The following MOXD1 variants were observed in gnomAD, a reference collection of about 807,000 sequenced individuals.
The protein encoded by MOXD1 is DBH-like monooxygenase protein 1.
A neutral mutation model predicts 66.6 loss-of-function variants in MOXD1; 62 were observed. The ratio of observed to expected loss-of-function variants is 0.93; its 90% CI spans 0.76 to 1.15. The LOEUF (loss-of-function observed/expected upper bound fraction) is 1.15. MOXD1 is among the 50% of genes most tolerant of loss of function. The pLI is 0.00. For synonymous variants in MOXD1, 303 were observed against 281.9 expected (o/e 1.07, Z -0.75); for missense variants, 847 against 754.6 (o/e 1.12, Z -1.44).
At chr6:132,397,530 G>A (rs939356450) in intron 1 of MOXD1, among the ~76,000 whole-genome samples, 1 of 152,040 alleles carries the variant, frequency 6.6e-6, no homozygotes, top group Non-Finnish European at 1.5e-5. Context: ...GTGAGTGTGT[G>A]TGAATGCACA....
intron 1 of MOXD1, among the ~76,000 whole-genome samples, chr6:132,379,372 C>A (rs1290938133): frequency 6.6e-6 from 1 of 152,122 alleles, no homozygotes; most frequent in Non-Finnish European, 1.5e-5. Flanking sequence ...CTTTAAAGGG[C>A]ACCTATAAAA....
At chr6:132,315,533 T>C in intron 10 of MOXD1, 102 bp downstream of exon 10, 1 of 1,281,710 alleles carries the variant, frequency 7.8e-7, no homozygotes. Flanking sequence ...GAACAAACAG[T>C]GCATAAAAAT....
chr6:132,365,566 G>A (rs1776104427), intron 4 of MOXD1, among the ~76,000 whole-genome samples: 1 of 152,184 alleles, frequency 6.6e-6, no homozygotes, highest in Non-Finnish European at 1.5e-5. Flanking sequence ...ACCAGGCAAG[G>A]TTAAGTACTT....
At chr6:132,354,211 G>A (rs770329120) in intron 4 of MOXD1, among the ~76,000 whole-genome samples, 47 of 152,232 alleles carry the variant, frequency 3.1e-4, no homozygotes, top group Non-Finnish European at 5.0e-4. Context: ...GTGATTTTTT[G>A]GGGGTGTTAA....
intron 4 of MOXD1, among the ~76,000 whole-genome samples, chr6:132,336,211 T>G (rs185718944): frequency 4.0e-4 from 61 of 152,322 alleles, no homozygotes; most frequent in Non-Finnish European, 6.9e-4. Flanking sequence ...CTGGAAATTT[T>G]GTAAATTCCC....
At chr6:132,358,520 C>T (rs73546059) in intron 4 of MOXD1, among the ~76,000 whole-genome samples, 2,190 of 152,236 alleles carry the variant, frequency 0.014, 67 homozygotes, top group African/African-American at 0.05. Context: ...AAATACTTGT[C>T]TTCTAAAATT....
In MOXD1 at chr6:132,342,820, G is replaced by A. The variant is rs145124844; in HGVS notation, c.664-14226C>T. Among the ~76,000 whole-genome samples the A allele has an allele frequency of 2.5e-3, 383 of 152,212 alleles. 1 individual carries two copies. The highest frequency in any genetic ancestry group is 8.3e-3 in the African/African-American group (343 of 41,540). On this transcript the variant is annotated intron_variant, in intron 4 of 11. Coordinates refer to ENST00000367963, the MANE Select transcript of MOXD1 (RefSeq NM_015529.4). ...TTTCCAATAGTTTTTTGGTGGTTTCGTTTGTTTCTTTCAGTCAATACATGC... is the reference window on the plus strand; with the variant it reads ...TTTCCAATAGTTTTTTGGTGGTTTCATTTGTTTCTTTCAGTCAATACATGC...
At chr6:132,378,029 G>A (rs1324627493) in intron 1 of MOXD1, among the ~76,000 whole-genome samples, 1 of 152,076 alleles carries the variant, frequency 6.6e-6, no homozygotes, top group Non-Finnish European at 1.5e-5. Flanking sequence ...ACGGGAGGCT[G>A]AGCTGAGGCA....
intron 4 of MOXD1, among the ~76,000 whole-genome samples, chr6:132,371,689 A>C (rs1776265360): frequency 6.6e-6 from 1 of 152,158 alleles, no homozygotes; most frequent in African/African-American, 2.4e-5. Context: ...GACTTACCTG[A>C]GAGCACATAG....
intron 9 of MOXD1, among the ~76,000 whole-genome samples, chr6:132,317,557 A>T (rs1260196322): frequency 1.3e-5 from 2 of 152,108 alleles, no homozygotes; most frequent in African/African-American, 4.8e-5. Context: ...ATGTCCAGTG[A>T]GGTACACAGC....
At chr6:132,304,866 T>C (rs1167666617) in intron 10 of MOXD1, among the ~76,000 whole-genome samples, 1 of 152,098 alleles carries the variant, frequency 6.6e-6, no homozygotes, top group Non-Finnish European at 1.5e-5. Context: ...GCCAAGAATA[T>C]TGAGTAACAG....
At chr6:132,298,097 T>A in intron 10 of MOXD1, 142 bp from the exon 11 acceptor site, 5 of 520,432 alleles carry the variant, frequency 9.6e-6, no homozygotes, top group Non-Finnish European at 1.5e-5. Context: ...GATGAGCTCA[T>A]CAGTGATTAC....
chr6:132,324,042 A>T lies in MOXD1; in HGVS notation c.1002T>A (p.Tyr334Ter). 1 of 1,613,930 alleles carries T rather than the reference A, an allele frequency of 6.2e-7. No individual in the cohort carries two copies. Among genetic ancestry groups the T allele is most frequent in the Non-Finnish European group, 8.5e-7 (1 of 1,179,882 alleles). Residue 334 changes from tyrosine to a stop codon, truncating the protein, a stop_gained, in exon 7 of 12, where the codon TAT (tyrosine) becomes TAA (stop). Coordinates refer to ENST00000367963, the MANE Select transcript of MOXD1 (RefSeq NM_015529.4). LOFTEE classifies it high-confidence loss of function. ...GGCCAGCCTCAATCACCCCAGCATC[A>T]TATTTCCTTATATCCATTGTGTAAA... ...RLFYTMDIRK[Y>*]DAGVIEAGLW...
At chr6:132,324,447 A>G (rs1414391552) in intron 6 of MOXD1, among the ~76,000 whole-genome samples, 1 of 152,208 alleles carries the variant, frequency 6.6e-6, no homozygotes, top group African/African-American at 2.4e-5. Context: ...AATATAGAAT[A>G]AATAACTTAA....
chr6:132,301,337 T>C (rs1437986581), intron 10 of MOXD1, among the ~76,000 whole-genome samples: 1 of 152,026 alleles, frequency 6.6e-6, no homozygotes, highest in Non-Finnish European at 1.5e-5. Flanking sequence ...GATAGCAAAG[T>C]TGACTGCAAT....
At chr6:132,341,581 C>A (rs1775564682) in intron 4 of MOXD1, among the ~76,000 whole-genome samples, 1 of 152,180 alleles carries the variant, frequency 6.6e-6, no homozygotes, top group Non-Finnish European at 1.5e-5. Flanking sequence ...GTCAGTACTT[C>A]TTTTTCTGAC....
chr6:132,341,574 A>C (rs1190420092), intron 4 of MOXD1, among the ~76,000 whole-genome samples: 1 of 152,180 alleles, frequency 6.6e-6, no homozygotes, highest in Non-Finnish European at 1.5e-5. Context: ...TGATAAAGTC[A>C]GTACTTCTTT....
At chr6:132,356,925 A>G (rs1319549352) in intron 4 of MOXD1, among the ~76,000 whole-genome samples, 1 of 152,082 alleles carries the variant, frequency 6.6e-6, no homozygotes. Context: ...GAAAGAGGGC[A>G]CTACTACTTT....
intron 4 of MOXD1, among the ~76,000 whole-genome samples, chr6:132,337,236 A>G (rs1193842657): frequency 6.6e-6 from 1 of 152,208 alleles, no homozygotes; most frequent in East Asian, 1.9e-4. Flanking sequence ...ATTACTTGCA[A>G]ATAAAAGTCC....
Sources: gnomAD v4.1 joint callset for allele counts (sites outside exome capture counted in the v4.1 genomes callset) on GRCh38, gnomAD v4.1.1 for gene constraint, MANE v1.5 for transcripts, NCBI Gene and HGNC (gene_info 2026-07-23, HGNC 2026-07-21) for gene names.